Variants in IL4I1 observed in about 807,000 individuals in gnomAD.
The protein encoded by IL4I1 is interleukin 4 induced 1.
A neutral mutation model predicts 29.7 loss-of-function variants in IL4I1; 24 were observed. The observed-to-expected ratio is 0.81, with a 90% CI of 0.59 to 1.14. The LOEUF is 1.14. IL4I1 is among the 50% of genes most tolerant of loss of function. The pLI is 0.00. For missense variants in IL4I1, 686 were observed against 785.6 expected (o/e 0.87, Z 1.52); for synonymous variants, 371 against 352.5 (o/e 1.05, Z -0.59).
At position 49,919,485 on chromosome 19, in the gene IL4I1, G is replaced by A. The variant is rs775396153; in HGVS notation, c.-228+8209C>T. 8.5e-5 allele frequency among the ~76,000 whole-genome samples: 13 copies of A among 152,316 alleles called. No homozygotes were observed. The South Asian group carries it at 1.0e-3, about 12-fold the overall frequency. On this transcript the variant is annotated intron_variant, in intron 2 of 9. Coordinates refer to the IL4I1 transcript ENST00000341114. ...GGAAACCGAGGCCCTCAGAGGGGGC[G>A]ACTTGCCCAGGGTACCAAAATCCTG...
chr19:49,909,657 C>G (rs780441458), intron 2 of IL4I1: 10 of 1,614,010 alleles, frequency 6.2e-6, no homozygotes. Context: ...GTACTTGTGG[C>G]TGGTTGGAAG....
At chr19:49,905,287 G>A (rs975708813) in intron 2 of IL4I1, among the ~76,000 whole-genome samples, 5 of 152,204 alleles carry the variant, frequency 3.3e-5, no homozygotes, top group Non-Finnish European at 7.3e-5. Context: ...GACCTTGTGG[G>A]CATTTTTTGG....
intron 2 of IL4I1, among the ~76,000 whole-genome samples, chr19:49,922,103 G>C (rs1279332409): frequency 6.6e-6 from 1 of 152,184 alleles, no homozygotes; most frequent in African/African-American, 2.4e-5. Context: ...CTGACTCAGA[G>C]CTGCTGGCTG....
At chr19:49,909,422 A>G in intron 2 of IL4I1, 2 of 1,613,846 alleles carry the variant, frequency 1.2e-6, no homozygotes, top group Non-Finnish European at 1.7e-6. Flanking sequence ...GCTGGAGGTG[A>G]CGGTGCTCGA....
intron 2 of IL4I1, chr19:49,908,522 T>C (rs1357897713): frequency 6.2e-7 from 1 of 1,614,028 alleles, no homozygotes; most frequent in Non-Finnish European, 8.5e-7. Context: ...TTTCTCACGC[T>C]CCTCATCCGC....
intron 2 of IL4I1, chr19:49,908,944 G>C (rs367743600): frequency 6.2e-7 from 1 of 1,609,236 alleles, no homozygotes. Flanking sequence ...AGGCAAAGCC[G>C]GTGGTGCTGC....
upstream of IL4I1, among the ~76,000 whole-genome samples, chr19:49,897,458 G>A (rs1463763780): frequency 2.4e-5 from 3 of 127,000 alleles, no homozygotes; most frequent in Admixed American, 8.2e-5. Context: ...TGTGGCTCTC[G>A]TCTACAGCTG....
At position 49,889,709 on chromosome 19, in the gene IL4I1, T is replaced by G. The variant is rs141601781; in HGVS notation, c.1665A>C (p.Leu555Phe). 8.9e-5 allele frequency: 134 copies of G among 1,510,430 alleles called. No homozygotes were observed. Among genetic ancestry groups the G allele is most frequent in the East Asian group, 3.9e-4 (17 of 43,708 alleles). The allele number at this position is 1,510,430 out of a possible 1,614,324, so 93.6% of individuals were successfully genotyped here. Residue 555 changes from leucine (L) to phenylalanine (F), a missense_variant, in exon 8 of 8, where the codon TTA becomes TTC. By Grantham distance (22) the Leu-to-Phe change is conservative. Transcript: ENST00000391826. ...TCGTGTGGGTCGTGTTTTGGAGAGA[T>G]AACTGGCCTTGGACTGGAGGGTGGC... ...EGSHPPVQGQ[L>F]SLQNTTHTRT...
intron 2 of IL4I1, chr19:49,907,783 G>A (rs1378984346): frequency 1.0e-4 from 33 of 331,224 alleles, no homozygotes; most frequent in Non-Finnish European, 1.7e-4. Context: ...TCATCTGCCC[G>A]CCTTGGCCAC....
intron 7 of IL4I1, 93 bp from the exon 8 acceptor site, chr19:49,890,693 A>G: frequency 1.9e-6 from 2 of 1,070,586 alleles, no homozygotes. Context: ...GCTGGCCCTT[A>G]TGGGCACCGG....
chr19:49,920,209 A>G (rs1214756364), intron 2 of IL4I1, among the ~76,000 whole-genome samples: 1 of 152,136 alleles, frequency 6.6e-6, no homozygotes, highest in African/African-American at 2.4e-5. Context: ...CAGCCTCCCA[A>G]GTAGCTGGGA....
At chr19:49,897,875 C>T (rs568724716), upstream of IL4I1, among the ~76,000 whole-genome samples, 317 of 152,056 alleles carry the variant, frequency 2.1e-3, 2 homozygotes, top group African/African-American at 4.4e-3. Flanking sequence ...GGGAAACTCC[C>T]GCAGTAAATC....
chr19:49,912,134 T>C lies in IL4I1; in HGVS notation c.-227-7813A>G, dbSNP rs2075479751. Among the ~76,000 whole-genome samples the C allele has an allele frequency of 2.6e-5, 4 of 152,072 alleles. No homozygotes were observed. In the South Asian group the frequency reaches 8.3e-4, roughly 32 times the overall value. ...GAAAAAACTACAAGGAAAACAATCT[T>C]CTATGGGGACTTGTCTGGCTTAACA... On this transcript the variant is annotated intron_variant, in intron 2 of 9. Transcript: ENST00000341114.
rs750219297 is a variant in IL4I1 at position 49,894,372 on chromosome 19, G to T, written c.463C>A (p.Arg155Ser). The change falls in exon 5 of 8, where the codon CGC becomes AGC. Residue 155 changes from arginine (R) to serine (S), a missense_variant. Arg to Ser is a moderately radical substitution (Grantham distance 110). Transcript: ENST00000391826. Reference protein sequence around the residue: ...TWTEVHEVKLRNYVVEKVPEK... With the variant: ...TWTEVHEVKLSNYVVEKVPEK... ...GGCACCTTCTCCACCACATAGTTGC[G>T]CAGCTTCACTTCGTGCACCTCCGTC... 1 of 1,614,098 alleles carries T rather than the reference G, an allele frequency of 6.2e-7. No homozygotes were observed.
At chr19:49,907,694 CCTGA>C (rs1367201268) in intron 2 of IL4I1, 5 of 349,554 alleles carry the variant, frequency 1.4e-5, no homozygotes, top group Non-Finnish European at 2.2e-5. Context: ...GTCCACCACA[CCTGA>C]CTAATTTTTG....
intron 2 of IL4I1, among the ~76,000 whole-genome samples, chr19:49,914,386 G>A (rs568440931): frequency 6.6e-6 from 1 of 152,248 alleles, no homozygotes; most frequent in Admixed American, 6.5e-5. Context: ...CTCAGGGCTG[G>A]GTGGCTGTGA....
At chr19:49,900,810 A>G (rs2075264484), upstream of IL4I1, among the ~76,000 whole-genome samples, 1 of 152,162 alleles carries the variant, frequency 6.6e-6, no homozygotes, top group South Asian at 2.1e-4. Context: ...GTTTCTGGAA[A>G]ATAAGGTTAA....
intron 2 of IL4I1, among the ~76,000 whole-genome samples, chr19:49,918,911 G>GGGGGGGGGGGGT: frequency 7.0e-6 from 1 of 142,108 alleles, no homozygotes; most frequent in African/African-American, 2.6e-5. Flanking sequence ...GGGGGGGGCG[G>GGGGGGGGGGGGT]GGTGTGGGGG....
intron 2 of IL4I1, among the ~76,000 whole-genome samples, chr19:49,912,743 G>T (rs1282992181): frequency 6.8e-6 from 1 of 147,126 alleles, no homozygotes; most frequent in Non-Finnish European, 1.5e-5. Context: ...GCAGGCGCCT[G>T]TAGTCGCAGC....
Sources: allele counts gnomAD v4.1 joint callset (sites outside exome capture counted in the v4.1 genomes callset), GRCh38; gene constraint gnomAD v4.1.1; transcripts MANE v1.5; gene names NCBI Gene and HGNC (gene_info 2026-07-23, HGNC 2026-07-21).